Variants in ACYP2 observed in about 807,000 individuals in gnomAD.
ACYP2 encodes the protein acylphosphatase-2.
Under a neutral mutation model 11.2 loss-of-function variants are expected in ACYP2, and 12 were observed. The observed-to-expected ratio is 1.08, with a 90% CI of 0.69 to 1.74. ACYP2 has a LOEUF of 1.74. Among genes scored for constraint, ACYP2 ranks in the 40% most tolerant of loss-of-function variants. The pLI is 0.00. For synonymous variants in ACYP2, 43 were observed against 32.2 expected (o/e 1.33, Z -1.13); for missense variants, 134 against 101.9 (o/e 1.31, Z -1.35).
At chr2:54,256,267 A>C in intron 6 of ACYP2, 1 of 1,206,152 alleles carries the variant, frequency 8.3e-7, no homozygotes, top group South Asian at 1.5e-5. Context: ...CCCACTCTTC[A>C]GTCTCGCGAC....
chr2:54,071,466 T>C (rs572211004), intron 4 of ACYP2, among the ~76,000 whole-genome samples: 18 of 152,090 alleles, frequency 1.2e-4, no homozygotes, highest in African/African-American at 4.1e-4. Flanking sequence ...GTGTTTTTCT[T>C]TTCTGTCTTT....
At chr2:54,073,992 A>G (rs977041457) in intron 4 of ACYP2, among the ~76,000 whole-genome samples, 3 of 152,212 alleles carry the variant, frequency 2.0e-5, no homozygotes, top group Non-Finnish European at 2.9e-5. Context: ...AAGAAGTTTA[A>G]CATAGAGTTG....
intron 4 of ACYP2, among the ~76,000 whole-genome samples, chr2:54,132,538 A>G (rs113065451): frequency 2.9e-4 from 44 of 152,270 alleles, no homozygotes; most frequent in African/African-American, 1.0e-3. Flanking sequence ...ACAAAACTGC[A>G]TAAAATATCT....
intron 2 of ACYP2, among the ~76,000 whole-genome samples, chr2:54,045,552 C>T (rs1443292941): frequency 1.3e-5 from 2 of 152,106 alleles, no homozygotes; most frequent in South Asian, 2.1e-4. Flanking sequence ...CATGTTGGCT[C>T]ACACCTGTAA....
chr2:54,154,738 T>C (rs542863037), intron 6 of ACYP2, among the ~76,000 whole-genome samples: 8 of 152,316 alleles, frequency 5.3e-5, no homozygotes, highest in Admixed American at 3.9e-4. Context: ...AATTTTCTTT[T>C]CTCATAATGT....
At chr2:54,276,746 A>G (rs985979576) in intron 6 of ACYP2, among the ~76,000 whole-genome samples, 5 of 151,998 alleles carry the variant, frequency 3.3e-5, no homozygotes, top group African/African-American at 4.8e-5. Flanking sequence ...ATTGATATTT[A>G]CTGGAGAAAT....
intron 6 of ACYP2, among the ~76,000 whole-genome samples, chr2:54,165,099 T>A (rs1682893151): frequency 6.6e-6 from 1 of 152,218 alleles, no homozygotes; most frequent in South Asian, 2.1e-4. Context: ...TTTTTTTTTA[T>A]CCAGTCTCTT....
intron 6 of ACYP2, among the ~76,000 whole-genome samples, chr2:54,166,224 G>A (rs1682968407): frequency 6.6e-6 from 1 of 152,174 alleles, no homozygotes; most frequent in South Asian, 2.1e-4. Flanking sequence ...GATACAGCAT[G>A]AGGTGATGCA....
intron 6 of ACYP2, among the ~76,000 whole-genome samples, chr2:54,190,316 A>C (rs928854762): frequency 1.3e-5 from 2 of 152,002 alleles, no homozygotes; most frequent in African/African-American, 4.8e-5. Context: ...TCCACTTTCC[A>C]GACCTCTGTC....
At position 54,057,293 on chromosome 2, in the gene ACYP2, T is replaced by C; in HGVS notation, c.210T>C (p.Ser70=). 1 of 398,078 alleles carries C rather than the reference T, an allele frequency of 2.5e-6. No individual in the cohort carries two copies. Among genetic ancestry groups the C allele is most frequent in the Non-Finnish European group, 4.4e-6 (1 of 225,750 alleles). 24.7% of individuals were successfully genotyped at this position (398,078 alleles called of 1,614,324 possible). Residue 70 remains serine, a synonymous_variant, in exon 4 of 7, where the codon AGT becomes AGC. Transcript: ENST00000607452. ...GTTTTGGTCAAGTCATAATTGTGAG[T>C]GAAGAACCATGGAAGGAGAACATTT...
intron 2 of ACYP2, among the ~76,000 whole-genome samples, chr2:54,035,031 A>AAAAAAAAAAAAAAAAAAT (rs1674812188): frequency 7.0e-6 from 1 of 142,972 alleles, no homozygotes; most frequent in African/African-American, 2.6e-5. Context: ...AAAAAAAAAA[A>AAAAAAAAAAAAAAAAAAT]AGCCTAGACT....
chr2:54,105,497 G>A (rs1428919167), intron 4 of ACYP2, among the ~76,000 whole-genome samples: 1 of 151,304 alleles, frequency 6.6e-6, no homozygotes, highest in Non-Finnish European at 1.5e-5. Flanking sequence ...ATTTATTTTT[G>A]AGGCAGGGTC....
At chr2:53,986,495 C>T (rs1183521668) in intron 2 of ACYP2, among the ~76,000 whole-genome samples, 1 of 151,752 alleles carries the variant, frequency 6.6e-6, no homozygotes, top group Non-Finnish European at 1.5e-5. Flanking sequence ...CAGCACCACA[C>T]TCAGCTAATT....
intron 2 of ACYP2, among the ~76,000 whole-genome samples, chr2:54,004,104 C>G (rs1193931740): frequency 6.6e-6 from 1 of 152,116 alleles, no homozygotes; most frequent in East Asian, 1.9e-4. Flanking sequence ...CTGACTCAGC[C>G]TCCCGAGCAG....
chr2:54,289,913 C>G (rs1163315191), intron 6 of ACYP2, among the ~76,000 whole-genome samples: 1 of 152,008 alleles, frequency 6.6e-6, no homozygotes, highest in Non-Finnish European at 1.5e-5. Context: ...GTAGTATGCT[C>G]AATACAGCCG....
intron 6 of ACYP2, among the ~76,000 whole-genome samples, chr2:54,252,516 T>G (rs567781599): frequency 6.6e-6 from 1 of 152,212 alleles, no homozygotes; most frequent in Non-Finnish European, 1.5e-5. Context: ...ATGGGCCTTT[T>G]GGTATCTCTG....
At chr2:54,037,855 A>G (rs1351081469) in intron 2 of ACYP2, among the ~76,000 whole-genome samples, 1 of 152,226 alleles carries the variant, frequency 6.6e-6, no homozygotes, top group African/African-American at 2.4e-5. Context: ...AAATATCAAC[A>G]TTATAAATAT....
chr2:54,089,600 C>A (rs1678115527), intron 4 of ACYP2, among the ~76,000 whole-genome samples: 1 of 151,562 alleles, frequency 6.6e-6, no homozygotes, highest in Non-Finnish European at 1.5e-5. Flanking sequence ...ATTAGTTGGG[C>A]ATGGTGGTGC....
chr2:54,096,640 G>C (rs1474549726), intron 4 of ACYP2, among the ~76,000 whole-genome samples: 3 of 152,118 alleles, frequency 2.0e-5, no homozygotes, highest in African/African-American at 4.8e-5. Context: ...AGACCAGCCC[G>C]GCCAACACAG....
Sources: allele counts gnomAD v4.1 joint callset (sites outside exome capture counted in the v4.1 genomes callset), GRCh38; gene constraint gnomAD v4.1.1; transcripts MANE v1.5; gene names NCBI Gene and HGNC (gene_info 2026-07-23, HGNC 2026-07-21).